Variants in SPAG7 observed in about 807,000 individuals in gnomAD.
SPAG7 encodes the protein sperm associated antigen 7.
Under a neutral mutation model 30.6 loss-of-function variants are expected in SPAG7, and 20 were observed. The ratio of observed to expected loss-of-function variants is 0.65; its 90% CI spans 0.46 to 0.95. The LOEUF is 0.95. SPAG7 is among the 40% of genes least tolerant of loss of function. The pLI is 0.00. For synonymous variants in SPAG7, 127 were observed against 104.2 expected (o/e 1.22, Z -1.33); for missense variants, 276 against 291.1 (o/e 0.95, Z 0.38).
chr17:4,961,681 C>T (rs1249451330), intron 1 of SPAG7, among the ~76,000 whole-genome samples: 2 of 145,578 alleles, frequency 1.4e-5, no homozygotes, highest in Admixed American at 7.2e-5. Context: ...AGGAGAATGG[C>T]GTGAACCTGG....
At chr17:4,964,045 G>A (rs777884436) in intron 1 of SPAG7, among the ~76,000 whole-genome samples, 10 of 152,210 alleles carry the variant, frequency 6.6e-5, no homozygotes, top group Non-Finnish European at 1.0e-4. Flanking sequence ...TTGAGAGGCC[G>A]AGGTGGGAGG....
intron 1 of SPAG7, chr17:4,967,160 G>A: frequency 1.0e-6 from 1 of 986,424 alleles, no homozygotes; most frequent in Non-Finnish European, 1.2e-6. Context: ...TTAAGGCTAC[G>A]GATGGGAAAA....
In SPAG7 at chr17:4,959,456, TG is replaced by T; in HGVS notation, c.*77del. 1 of 1,143,606 alleles carries T rather than the reference TG, an allele frequency of 8.7e-7. No individual in the cohort carries two copies. Among genetic ancestry groups the T allele is most frequent in the Non-Finnish European group, 1.3e-6 (1 of 773,456 alleles). The allele number at this position is 1,143,606 out of a possible 1,614,324, so 70.8% of individuals were successfully genotyped here. On this transcript the variant is annotated 3_prime_UTR_variant, in exon 7 of 7. Coordinates refer to ENST00000206020, the MANE Select transcript of SPAG7 (RefSeq NM_004890.3). ...GTGGTTCAGAGGTGGGGCTCCAGGA[TG>T]GGCTCTAATAGCAGCAGCCTTGTCT...
chr17:4,967,147 A>G (rs778820910), intron 1 of SPAG7: 9 of 986,026 alleles, frequency 9.1e-6, no homozygotes, highest in African/African-American at 1.7e-5. Flanking sequence ...GCAGCTCGGG[A>G]ATTTAAGGCT....
chr17:4,961,451 C>T (rs1416418685), intron 1 of SPAG7, among the ~76,000 whole-genome samples: 5 of 145,630 alleles, frequency 3.4e-5, no homozygotes, highest in Admixed American at 1.4e-4. Context: ...GAGTGAACTC[C>T]GTCTCAAAAA....
chr17:4,967,816 C>G lies in SPAG7; in HGVS notation c.-12G>C. The G allele has an allele frequency of 6.2e-7, 1 of 1,601,970 alleles. No individual in the cohort carries two copies. The highest frequency in any genetic ancestry group is 1.1e-5 in the South Asian group (1 of 90,814). On this transcript the variant is annotated 5_prime_UTR_variant, in exon 1 of 7. Transcript: ENST00000206020. ...AGTAGGTCCGCCATCTTGGGAGTGACTGAGAGGGGGCGGTGCGTCTTAAAG... is the reference window on the plus strand; with the variant it reads ...AGTAGGTCCGCCATCTTGGGAGTGAGTGAGAGGGGGCGGTGCGTCTTAAAG...
At chr17:4,967,218 G>C in intron 1 of SPAG7, 1 of 991,270 alleles carries the variant, frequency 1.0e-6, no homozygotes, top group South Asian at 4.3e-5. Flanking sequence ...TAAGCAGGAG[G>C]GGCAAGAACA....
chr17:4,966,557 T>A, intron 1 of SPAG7: 2 of 982,336 alleles, frequency 2.0e-6, no homozygotes, highest in African/African-American at 3.5e-5. Flanking sequence ...TCAAATAGAC[T>A]CTTCTGCCTG....
At chr17:4,962,360 C>G (rs755684821) in intron 1 of SPAG7, among the ~76,000 whole-genome samples, 1 of 152,124 alleles carries the variant, frequency 6.6e-6, no homozygotes, top group Non-Finnish European at 1.5e-5. Context: ...GTGATCCCCC[C>G]GCCTCACCTT....
At chr17:4,963,451 A>AT (rs35484038) in intron 1 of SPAG7, among the ~76,000 whole-genome samples, 9,752 of 103,164 alleles carry the variant, frequency 0.095, 551 homozygotes, top group African/African-American at 0.18. Flanking sequence ...GGAAAGGGGA[A>AT]TTTTTTTTTT....
intron 1 of SPAG7, among the ~76,000 whole-genome samples, chr17:4,961,102 T>C (rs1971854610): frequency 6.6e-6 from 1 of 152,242 alleles, no homozygotes; most frequent in Non-Finnish European, 1.5e-5. Context: ...ACATACTATG[T>C]CTTTTTCTAT....
At chr17:4,961,504 C>T (rs375167977) in intron 1 of SPAG7, among the ~76,000 whole-genome samples, 2 of 150,428 alleles carry the variant, frequency 1.3e-5, no homozygotes, top group Admixed American at 1.3e-4. Context: ...ACCTGTAATC[C>T]CAGCACTTTG....
At chr17:4,964,355 AT>A (rs1971912410) in intron 1 of SPAG7, among the ~76,000 whole-genome samples, 1 of 129,384 alleles carries the variant, frequency 7.7e-6, no homozygotes, top group Non-Finnish European at 1.6e-5. Context: ...AATCCTTTAC[AT>A]CTTTTTTTTT....
rs748946978 is a variant in SPAG7 at position 4,967,795 on chromosome 17, G to A, written c.10C>T (p.Leu4=). The A allele has an allele frequency of 3.2e-5, 52 of 1,613,548 alleles. No homozygotes were observed. The highest frequency in any genetic ancestry group is 1.3e-4 in the East Asian group (6 of 44,888). Residue 4 remains leucine (L), a synonymous_variant, in exon 1 of 7, where the codon CTA becomes TTA. Coordinates refer to ENST00000206020, the MANE Select transcript of SPAG7 (RefSeq NM_004890.3). MAD[L]LGSILSSMEK... Reference sequence around the variant, plus strand: ...ATGGAGCTCAGGATGGAGCCCAGTAGGTCCGCCATCTTGGGAGTGACTGAG... The same window carrying A: ...ATGGAGCTCAGGATGGAGCCCAGTAAGTCCGCCATCTTGGGAGTGACTGAG...
At chr17:4,966,554 G>T in intron 1 of SPAG7, 3 of 980,128 alleles carry the variant, frequency 3.1e-6, no homozygotes, top group Non-Finnish European at 3.6e-6. Context: ...ATTTCAAATA[G>T]ACTCTTCTGC....
intron 1 of SPAG7, chr17:4,967,272 GT>G: frequency 1.0e-6 from 1 of 994,978 alleles, no homozygotes; most frequent in African/African-American, 1.7e-5. Flanking sequence ...GGCTGGGGTG[GT>G]TTCGAAGGAA....
In SPAG7 at chr17:4,967,719, C is replaced by G. The variant is rs772803800; in HGVS notation, c.85+1G>C. 3 of 1,612,878 alleles carry G rather than the reference C, an allele frequency of 1.9e-6. No individual in the cohort carries two copies. The highest frequency in any genetic ancestry group is 2.5e-6 in the Non-Finnish European group (3 of 1,178,896). ...GGCGGTTGTGAATTTGGGATCCTCA[C>G]CTCGGGCCTTGCGCCGAGTCTCCTG... On this transcript the variant is annotated splice_donor_variant, in intron 1 of 6. Coordinates refer to ENST00000206020, the MANE Select transcript of SPAG7 (RefSeq NM_004890.3). LOFTEE classifies it high-confidence loss of function.
rs765153912 is a variant in SPAG7, at chr17:4,960,267, A to T, written c.294T>A (p.Asp98Glu). ...AGATCATGACATAGCGACAGTCATC[A>T]TCTTCCCCAAAGGAGAAGGATGTCA... ...AGLTSFSFGE[D>E]DDCRYVMIFK... The change falls in exon 4 of 7, where the codon GAT becomes GAA. Residue 98 changes from aspartate (D) to glutamate (E), a missense_variant. By Grantham distance (45) the Asp-to-Glu change is conservative. Transcript: ENST00000206020. The T allele has an allele frequency of 1.2e-6, 2 of 1,614,184 alleles. No individual in the cohort carries two copies. Among genetic ancestry groups the T allele is most frequent in the East Asian group, 4.5e-5 (2 of 44,874 alleles).
rs1567678559 is a variant in SPAG7, at chr17:4,967,714, C to T, written c.85+6G>A. The T allele has an allele frequency of 6.2e-7, 1 of 1,611,630 alleles. No individual in the cohort carries two copies. Among genetic ancestry groups the T allele is most frequent in the East Asian group, 2.2e-5 (1 of 44,862 alleles). On this transcript the variant is annotated splice_donor_region_variant and intron_variant, in intron 1 of 6. Coordinates refer to ENST00000206020, the MANE Select transcript of SPAG7 (RefSeq NM_004890.3). ...AGGAAGGCGGTTGTGAATTTGGGATCCTCACCTCGGGCCTTGCGCCGAGTC... is the reference window on the plus strand; with the variant it reads ...AGGAAGGCGGTTGTGAATTTGGGATTCTCACCTCGGGCCTTGCGCCGAGTC...
Sources: allele counts gnomAD v4.1 joint callset (sites outside exome capture counted in the v4.1 genomes callset), GRCh38; gene constraint gnomAD v4.1.1; transcripts MANE v1.5; gene names NCBI Gene and HGNC (gene_info 2026-07-23, HGNC 2026-07-21).